The following FBXL5 variants were observed in gnomAD, a reference collection of about 807,000 sequenced individuals.
FBXL5 encodes the protein F-box and leucine rich repeat protein 5, also known as F-box/LRR-repeat protein 5.
In FBXL5, 26 loss-of-function variants were observed where a neutral mutation model predicts 78.3. That is an observed-to-expected ratio of 0.33 (90% CI 0.24 to 0.46). FBXL5 has a LOEUF of 0.46. Ranked by LOEUF, FBXL5 falls within the 20% of genes least tolerant of loss-of-function variation. The pLI is 1.00. For missense variants in FBXL5, 710 were observed against 829.2 expected (o/e 0.86, Z 1.77); for synonymous variants, 295 against 282.5 (o/e 1.04, Z -0.45).
At chr4:15,656,197 C>G, upstream of FBXL5, 1 of 456,064 alleles carries the variant, frequency 2.2e-6, no homozygotes, top group East Asian at 6.9e-5. Context: ...CCATTTTAAG[C>G]GGAGGTTCGG....
intron 4 of FBXL5, 73 bp downstream of exon 4, chr4:15,638,435 T>C (rs1176097835): frequency 5.2e-6 from 6 of 1,149,806 alleles, no homozygotes; most frequent in Non-Finnish European, 7.1e-6. Context: ...TCAACCAAAA[T>C]CTACAGTTCA....
chr4:15,648,059 G>T (rs1388149165), intron 1 of FBXL5, among the ~76,000 whole-genome samples: 2 of 152,224 alleles, frequency 1.3e-5, no homozygotes, highest in Admixed American at 6.5e-5. Flanking sequence ...GTCTCACTAT[G>T]TTGGCCAAGC....
intron 9 of FBXL5, among the ~76,000 whole-genome samples, chr4:15,616,430 G>A (rs1451487274): frequency 6.6e-6 from 1 of 152,132 alleles, no homozygotes; most frequent in East Asian, 1.9e-4. Context: ...CTGGTGAGCA[G>A]GGCTAAGATC....
intron 1 of FBXL5, 99 bp downstream of exon 1, chr4:15,655,105 G>T (rs879299304): frequency 2.1e-6 from 2 of 969,974 alleles, no homozygotes; most frequent in Non-Finnish European, 2.6e-6. Context: ...CGACGGCACG[G>T]GGCTGCGGGC....
At chr4:15,626,829 TA>T in intron 8 of FBXL5, 43 bp downstream of exon 8, 1 of 1,348,044 alleles carries the variant, frequency 7.4e-7, no homozygotes, top group Non-Finnish European at 1.0e-6. Flanking sequence ...TGAAACCTTA[TA>T]AAATAGTTTT....
intron 9 of FBXL5, among the ~76,000 whole-genome samples, chr4:15,613,171 T>C (rs531353208): frequency 1.3e-5 from 2 of 152,166 alleles, no homozygotes; most frequent in South Asian, 4.2e-4. Context: ...AGTCGATTCA[T>C]GGTTATCAGA....
At position 15,625,882 on chromosome 4, in the gene FBXL5, GCTCTGGAAATCTT is replaced by G; in HGVS notation, c.1207_1219del (p.Lys403LeufsTer5). On this transcript the variant is annotated frameshift_variant, in exon 9 of 11. Coordinates refer to ENST00000341285, the MANE Select transcript of FBXL5 (RefSeq NM_012161.4). LOFTEE classifies it high-confidence loss of function. ...TTGATGAGATGTCAGAATTCCAAGA[GCTCTGGAAATCTT>G]CTCTAGGGCCACATCTGTGATTTTC... is the stretch of plus-strand genomic sequence containing the variant. The G allele has an allele frequency of 6.2e-7, 1 of 1,614,088 alleles. No homozygotes were observed. Among genetic ancestry groups the G allele is most frequent in the Admixed American group, 1.7e-5 (1 of 60,020 alleles).
At chr4:15,654,879 G>A (rs1268553228) in intron 1 of FBXL5, among the ~76,000 whole-genome samples, 3 of 152,142 alleles carry the variant, frequency 2.0e-5, no homozygotes, top group African/African-American at 2.4e-5. Context: ...AGAGGCAGCA[G>A]CGGGAGTCCC....
At chr4:15,630,320 A>G (rs1713496044) in intron 6 of FBXL5, among the ~76,000 whole-genome samples, 4 of 152,116 alleles carry the variant, frequency 2.6e-5, no homozygotes, top group African/African-American at 7.2e-5. Context: ...GCCATAGATG[A>G]CTCAATAGAT....
upstream of FBXL5, among the ~76,000 whole-genome samples, chr4:15,664,793 A>T (rs1717468923): frequency 6.6e-6 from 1 of 152,004 alleles, no homozygotes; most frequent in Non-Finnish European, 1.5e-5. Flanking sequence ...TCCTGACCTC[A>T]GGTGATCTGC....
intron 1 of FBXL5, among the ~76,000 whole-genome samples, chr4:15,676,442 C>G (rs1403806372): frequency 6.6e-6 from 1 of 150,592 alleles, no homozygotes; most frequent in African/African-American, 2.4e-5. Flanking sequence ...TAAATGTCAA[C>G]AACAAAAAAA....
intron 5 of FBXL5, among the ~76,000 whole-genome samples, chr4:15,634,783 T>A (rs537494339): frequency 2.6e-5 from 4 of 152,308 alleles, no homozygotes; most frequent in African/African-American, 9.6e-5. Flanking sequence ...TTTAGGTGAA[T>A]TTATGAAAGC....
At chr4:15,653,930 TA>T (rs1033203262) in intron 1 of FBXL5, among the ~76,000 whole-genome samples, 1 of 152,224 alleles carries the variant, frequency 6.6e-6, no homozygotes, top group Non-Finnish European at 1.5e-5. Context: ...AGTTTAAGGC[TA>T]ATAAGCAACC....
chr4:15,630,913 A>C (rs1427898295), intron 5 of FBXL5, 122 bp from the exon 6 acceptor site: 1 of 1,257,396 alleles, frequency 8.0e-7, no homozygotes, highest in South Asian at 1.4e-5. Flanking sequence ...CCTAGGCAAT[A>C]AGCAACTGTT....
chr4:15,631,764 TG>T (rs1448613122), intron 5 of FBXL5, among the ~76,000 whole-genome samples: 1 of 148,804 alleles, frequency 6.7e-6, no homozygotes, highest in African/African-American at 2.4e-5. Context: ...TTGATGGGGT[TG>T]TTTTTTTTTC....
chr4:15,609,473 CCT>C (rs1169588951), intron 10 of FBXL5, among the ~76,000 whole-genome samples: 2 of 152,014 alleles, frequency 1.3e-5, no homozygotes, highest in East Asian at 1.9e-4. Flanking sequence ...ACCTTTAATT[CCT>C]CTTTAACTTA....
chr4:15,655,888 G>C (rs1043052388), upstream of FBXL5, among the ~76,000 whole-genome samples: 1 of 152,206 alleles, frequency 6.6e-6, no homozygotes, highest in South Asian at 2.1e-4. Context: ...GCCGGGCCTG[G>C]CTCCCACCCA....
rs1369807391 is a variant in FBXL5 at position 15,654,245 on chromosome 4, GCTTT to G, written c.84+955_84+958del. 5.9e-5 allele frequency among the ~76,000 whole-genome samples: 9 copies of G among 152,312 alleles called. 1 individual carries two copies. Among genetic ancestry groups the G allele is most frequent in the Middle Eastern group, 3.4e-3 (1 of 294 alleles). On this transcript the variant is annotated intron_variant, in intron 1 of 10. Transcript: ENST00000341285. ...ATGCTTAAACAGTAGTCATTTGAATGCTTTATTTAGTTGGATCATTTCCACAAGA... is the reference window on the plus strand; with the variant it reads ...ATGCTTAAACAGTAGTCATTTGAATGATTTAGTTGGATCATTTCCACAAGA...
upstream of FBXL5, among the ~76,000 whole-genome samples, chr4:15,662,761 A>G (rs1717372482): frequency 1.3e-5 from 2 of 152,250 alleles, no homozygotes; most frequent in South Asian, 4.1e-4. Context: ...AGCTGATACT[A>G]TAGTAAGATG....
Sources: allele counts gnomAD v4.1 joint callset (sites outside exome capture counted in the v4.1 genomes callset), GRCh38; gene constraint gnomAD v4.1.1; transcripts MANE v1.5; gene names NCBI Gene and HGNC (gene_info 2026-07-23, HGNC 2026-07-21).